PTPRS: variants seen among roughly 807,000 people sequenced by gnomAD.
PTPRS encodes receptor-type tyrosine-protein phosphatase S.
A neutral mutation model predicts 215.3 loss-of-function variants in PTPRS; 63 were observed. That is an observed-to-expected ratio of 0.29 (90% CI 0.24 to 0.36). The LOEUF (loss-of-function observed/expected upper bound fraction) is 0.36, where lower values mean the gene tolerates loss of function less well. PTPRS is among the 10% of genes least tolerant of loss of function. The pLI, the probability that PTPRS is intolerant of heterozygous loss-of-function variation, is 1.00. For missense variants in PTPRS, 2,258 were observed against 2,825.8 expected (o/e 0.80, Z 4.56); for synonymous variants, 1,404 against 1,191.4 (o/e 1.18, Z -3.68).
Position 5,253,033 on chromosome 19 carries a change from G to T in PTPRS, c.718+3075C>A, listed in dbSNP as rs2045272777. ...CTATGTTGCAAGACCAGGCAGTAAA[G>T]ACACTACCTTTAGCCACTAACTCAT... On this transcript the variant is annotated intron_variant, in intron 9 of 37. Coordinates refer to ENST00000262963, the MANE Select transcript of PTPRS (RefSeq NM_002850.4). 2.6e-5 allele frequency among the ~76,000 whole-genome samples: 4 copies of T among 152,132 alleles called. No individual in the cohort carries two copies. The South Asian group carries it at 8.3e-4, about 32-fold the overall frequency.
At chr19:5,214,305 C>T in intron 30 of PTPRS, 56 bp downstream of exon 30, 1 of 1,611,348 alleles carries the variant, frequency 6.2e-7, no homozygotes, top group East Asian at 2.2e-5. Context: ...GGGCCCTCTG[C>T]CTCCCTTCCA....
chr19:5,216,271 G>A (rs955471323), intron 26 of PTPRS, among the ~76,000 whole-genome samples: 5 of 152,046 alleles, frequency 3.3e-5, no homozygotes, highest in African/African-American at 1.2e-4. Flanking sequence ...GTGTGGGCTC[G>A]GTTCTCCCTT....
At chr19:5,220,875 G>T (rs988299344) in intron 20 of PTPRS, 125 bp downstream of exon 20, 5 of 1,140,492 alleles carry the variant, frequency 4.4e-6, no homozygotes, top group Non-Finnish European at 6.2e-6. Context: ...CCATGAACTA[G>T]GGCTGATAGG....
chr19:5,317,999 G>A (rs1437833108), intron 1 of PTPRS, among the ~76,000 whole-genome samples: 3 of 152,060 alleles, frequency 2.0e-5, no homozygotes, highest in East Asian at 1.9e-4. Flanking sequence ...GTGAAACCCC[G>A]TCTCTACTAA....
Position 5,338,436 on chromosome 19 carries a change from G to A in PTPRS, c.-95+2228C>T, listed in dbSNP as rs140199143. On this transcript the variant is annotated intron_variant, in intron 1 of 37. Transcript: ENST00000262963. The surrounding 1 kb of genome is among the most constrained non-coding windows in gnomAD (Gnocchi z 4.2). ...GGAACAGGGCAGGACCCTGCTTCCC[G>A]GAGGGAAATAATGAAGACTCCGCCA... Among the ~76,000 whole-genome samples, 2 of 152,144 alleles carry A rather than the reference G, an allele frequency of 1.3e-5. No individual in the cohort carries two copies. Among genetic ancestry groups the A allele is most frequent in the Non-Finnish European group, 2.9e-5 (2 of 68,024 alleles).
In PTPRS at chr19:5,222,775, T is replaced by TAGGCCGTGTCGGGCTTC; in HGVS notation, c.3000_3016dup (p.Tyr1006Ter). Reference sequence around the variant, plus strand: ...CGTGTGGGCTCGCACTTGGAGGTCATAGGCCGTGTCGGGCTTCAGGCCCTG... The same window carrying TAGGCCGTGTCGGGCTTC: ...CGTGTGGGCTCGCACTTGGAGGTCATAGGCCGTGTCGGGCTTCAGGCCGTGTCGGGCTTCAGGCCCTG... On this transcript the variant is annotated stop_gained and frameshift_variant, in exon 18 of 38. Coordinates refer to ENST00000262963, the MANE Select transcript of PTPRS (RefSeq NM_002850.4). LOFTEE classifies it high-confidence loss of function. The TAGGCCGTGTCGGGCTTC allele has an allele frequency of 6.3e-7, 1 of 1,598,916 alleles. No individual in the cohort carries two copies. The highest frequency in any genetic ancestry group is 8.5e-7 in the Non-Finnish European group (1 of 1,178,652).
chr19:5,296,713 AGGAGG>A (rs78706155), intron 1 of PTPRS, among the ~76,000 whole-genome samples: 3 of 93,504 alleles, frequency 3.2e-5, no homozygotes, highest in Non-Finnish European at 6.0e-5. Context: ...GGAGACAAAG[AGGAGG>A]GGAGGGGAGG....
At chr19:5,329,152 C>G (rs369577553) in intron 1 of PTPRS, among the ~76,000 whole-genome samples, 4 of 151,958 alleles carry the variant, frequency 2.6e-5, no homozygotes, top group African/African-American at 9.7e-5. Flanking sequence ...ACAGAGCTCC[C>G]GGCAGAGCAA....
intron 1 of PTPRS, among the ~76,000 whole-genome samples, chr19:5,334,379 C>T (rs1219891750): frequency 2.6e-5 from 4 of 152,182 alleles, no homozygotes; most frequent in Non-Finnish European, 5.9e-5. Context: ...TTCTAGGTGC[C>T]GTTCTGAATC....
In PTPRS at chr19:5,338,981, G is replaced by A. The variant is rs904714698; in HGVS notation, c.-95+1683C>T. ...AGCCAAAGTCCGGGTGGTGGCGGAC[G>A]GGAGCCCGGAGCGTGTGGGTCCCTG... is the stretch of plus-strand genomic sequence containing the variant. On this transcript the variant is annotated intron_variant, in intron 1 of 37. Coordinates refer to ENST00000262963, the MANE Select transcript of PTPRS (RefSeq NM_002850.4). This position sits in a 1 kb window ranked among gnomAD's most constrained non-coding sequence, Gnocchi z 4.2. Among the ~76,000 whole-genome samples the A allele has an allele frequency of 1.3e-5, 2 of 152,198 alleles. No individual in the cohort carries two copies. Among genetic ancestry groups the A allele is most frequent in the African/African-American group, 4.8e-5 (2 of 41,452 alleles).
At chr19:5,297,512 G>C (rs1362878609) in intron 1 of PTPRS, among the ~76,000 whole-genome samples, 1 of 152,134 alleles carries the variant, frequency 6.6e-6, no homozygotes, top group African/African-American at 2.4e-5. Context: ...TAGTTGCAGG[G>C]GGGATGGACA....
chr19:5,217,890 T>C (rs1465281254), intron 25 of PTPRS, among the ~76,000 whole-genome samples: 1 of 152,222 alleles, frequency 6.6e-6, no homozygotes, highest in East Asian at 1.9e-4. Flanking sequence ...TCTCCTGGAC[T>C]GTCAGGTGAC....
chr19:5,252,523 G>A (rs2045202825), intron 9 of PTPRS, among the ~76,000 whole-genome samples: 1 of 145,686 alleles, frequency 6.9e-6, no homozygotes, highest in African/African-American at 2.6e-5. Context: ...GTTGCAGTGA[G>A]CCGAGATTGC....
At chr19:5,273,034 C>T (rs971624644) in intron 4 of PTPRS, 6 of 261,036 alleles carry the variant, frequency 2.3e-5, no homozygotes, top group African/African-American at 1.3e-4. Flanking sequence ...CAGAAGGAAA[C>T]AAAGCCAAGA....
At chr19:5,207,108 G>A (rs909547808) in intron 37 of PTPRS, among the ~76,000 whole-genome samples, 10 of 152,168 alleles carry the variant, frequency 6.6e-5, no homozygotes, top group Admixed American at 2.0e-4. Flanking sequence ...ATTTTGAGAC[G>A]GAGTCTCGCT....
chr19:5,240,494 C>T (rs2043940673), intron 11 of PTPRS, among the ~76,000 whole-genome samples, 162 bp from the exon 12 acceptor site: 1 of 152,160 alleles, frequency 6.6e-6, no homozygotes. Context: ...GTCACCTGTC[C>T]ACCTCTGTTC....
rs1284709045 is a variant in PTPRS, at chr19:5,294,919, TAC to T, written c.-94-8687_-94-8686del. 9.2e-5 allele frequency among the ~76,000 whole-genome samples: 14 copies of T among 152,020 alleles called. No individual in the cohort carries two copies. Among genetic ancestry groups the T allele is most frequent in the Non-Finnish European group, 1.8e-4 (12 of 68,004 alleles). On this transcript the variant is annotated intron_variant, in intron 1 of 37. Transcript: ENST00000262963. The surrounding 1 kb of genome is among the most constrained non-coding windows in gnomAD (Gnocchi z 5.1). ...CCACGCAGCCCCATCCTCGACGAGGTACACAGTAGGTGCTTCATGGAGGAGGC... is the reference window on the plus strand; with the variant it reads ...CCACGCAGCCCCATCCTCGACGAGGTACAGTAGGTGCTTCATGGAGGAGGC...
At chr19:5,315,367 T>TGTTTG (rs1320305059) in intron 1 of PTPRS, among the ~76,000 whole-genome samples, 1 of 129,796 alleles carries the variant, frequency 7.7e-6, no homozygotes, top group African/African-American at 2.9e-5. Flanking sequence ...TTTTTTTTTT[T>TGTTTG]TTTTTTTTTT....
intron 25 of PTPRS, 56 bp downstream of exon 25, chr19:5,218,364 C>G: frequency 6.6e-7 from 1 of 1,519,962 alleles, no homozygotes; most frequent in East Asian, 2.3e-5. Flanking sequence ...GCTACTGCTT[C>G]TCCCCAGCTA....
Sources: gnomAD v4.1 joint callset for allele counts (sites outside exome capture counted in the v4.1 genomes callset) on GRCh38, gnomAD v4.1.1 for gene constraint, Gnocchi (gnomAD v3.1) non-coding constraint, MANE v1.5 for transcripts, NCBI Gene and HGNC (gene_info 2026-07-23, HGNC 2026-07-21) for gene names.